Variants in TENM2 observed in about 807,000 individuals in gnomAD.
TENM2 encodes the protein teneurin-2.
In TENM2, 52 loss-of-function variants were observed where a neutral mutation model predicts 245.2. The ratio of observed to expected loss-of-function variants is 0.21; its 90% CI spans 0.17 to 0.27. The LOEUF (loss-of-function observed/expected upper bound fraction) is 0.27, where lower values mean the gene tolerates loss of function less well. TENM2 is among the 10% of genes least tolerant of loss of function. TENM2 has a pLI of 1.00. For synonymous variants in TENM2, 1,363 were observed against 1,438.9 expected (o/e 0.95, Z 1.19); for missense variants, 3,046 against 3,666.8 (o/e 0.83, Z 4.37).
At chr5:167,878,380 A>G (rs917034634) in intron 3 of TENM2, among the ~76,000 whole-genome samples, 20 of 152,300 alleles carry the variant, frequency 1.3e-4, no homozygotes, top group African/African-American at 4.6e-4. Context: ...TTCATCCCAA[A>G]CAGGAGCTGT....
rs138747988 is a variant in TENM2, at chr5:167,840,526, G to A, written c.503-35460G>A. 3.9e-5 allele frequency among the ~76,000 whole-genome samples: 6 copies of A among 151,988 alleles called. No individual in the cohort carries two copies. The South Asian group carries it at 6.2e-4, about 16-fold the overall frequency. ...TAAGTTCATCCTGGAGCACCTAACC[G>A]CGTCTCCCCTCCTTCCTCCCCCAGC... On this transcript the variant is annotated intron_variant, in intron 2 of 28. Transcript: ENST00000518659.
At chr5:167,020,866 G>A in the TENM2 span, among the ~76,000 whole-genome samples, 103 of 152,214 alleles carry the variant, frequency 6.8e-4, no homozygotes, top group Non-Finnish European at 1.3e-3. Flanking sequence ...GACCTAGGTC[G>A]GGCATGGCCG....
intron 1 of TENM2, among the ~76,000 whole-genome samples, chr5:167,307,659 T>G (rs1036061423): frequency 1.2e-4 from 18 of 152,214 alleles, no homozygotes; most frequent in African/African-American, 4.3e-4. Flanking sequence ...AGTTCAGTAT[T>G]CATTCAGCAA....
chr5:167,413,746 T>A (rs1276353098), intron 2 of TENM2, among the ~76,000 whole-genome samples: 2 of 152,148 alleles, frequency 1.3e-5, no homozygotes, highest in Admixed American at 1.3e-4. Flanking sequence ...TATATAACCA[T>A]CAAAATAACA....
At chr5:167,101,849 T>TATATATATATATATA in the TENM2 span, among the ~76,000 whole-genome samples, 124 of 69,426 alleles carry the variant, frequency 1.8e-3, 2 homozygotes, top group Non-Finnish European at 2.8e-3. Flanking sequence ...ATATATATAT[T>TATATATATATATATA]TATATATATA....
In TENM2 at chr5:167,879,127, G is replaced by A. The variant is rs543900982; in HGVS notation, c.712+2932G>A. On this transcript the variant is annotated intron_variant, in intron 3 of 28. Coordinates refer to ENST00000518659, the Ensembl canonical transcript of TENM2. ...CAAATGGGACATAAACTACAGGAAC[G>A]AAAATGTTTTTCCCCAACATGAAAA... 5.9e-5 allele frequency among the ~76,000 whole-genome samples: 9 copies of A among 152,266 alleles called. No homozygotes were observed. In the South Asian group the frequency reaches 6.2e-4, roughly 11 times the overall value.
chr5:167,513,904 T>C (rs1770139094), intron 2 of TENM2, among the ~76,000 whole-genome samples: 2 of 152,196 alleles, frequency 1.3e-5, no homozygotes, highest in South Asian at 4.1e-4. Flanking sequence ...CTCACCGTGG[T>C]CAGATCAATG....
chr5:167,772,557 T>G (rs893716965), intron 2 of TENM2, among the ~76,000 whole-genome samples: 1 of 152,162 alleles, frequency 6.6e-6, no homozygotes, highest in Non-Finnish European at 1.5e-5. Context: ...CTTTGAAGTC[T>G]GACGTTTTCA....
chr5:167,832,296 T>G (rs4869076), intron 2 of TENM2, among the ~76,000 whole-genome samples: 16,572 of 152,174 alleles, frequency 0.11, 994 homozygotes, highest in African/African-American at 0.15. Flanking sequence ...TGCTGCCCAA[T>G]GATGAATTAT....
At chr5:167,523,688 G>T (rs1328982031) in intron 2 of TENM2, among the ~76,000 whole-genome samples, 1 of 152,078 alleles carries the variant, frequency 6.6e-6, no homozygotes. Flanking sequence ...AGAGCACTTT[G>T]TAACCATATT....
chr5:167,762,444 C>T (rs1762743061), intron 2 of TENM2, among the ~76,000 whole-genome samples: 1 of 152,198 alleles, frequency 6.6e-6, no homozygotes, highest in Non-Finnish European at 1.5e-5. Context: ...TAGAGAGATG[C>T]TTCCCTCCCT....
the TENM2 span, among the ~76,000 whole-genome samples, chr5:167,227,465 C>A: frequency 5.9e-5 from 9 of 152,108 alleles, no homozygotes; most frequent in Non-Finnish European, 1.2e-4. Flanking sequence ...AATGAATTCC[C>A]TCGGTCTTTA....
At chr5:168,095,581 TG>T (rs1479338939) in intron 8 of TENM2, among the ~76,000 whole-genome samples, 2 of 152,226 alleles carry the variant, frequency 1.3e-5, no homozygotes, top group East Asian at 1.9e-4. Flanking sequence ...TTAATTTGTT[TG>T]TTTTTTTAGC....
At chr5:167,159,117 A>G in the TENM2 span, among the ~76,000 whole-genome samples, 65 of 151,260 alleles carry the variant, frequency 4.3e-4, no homozygotes, top group Admixed American at 1.2e-3. Context: ...TAATTTTTGT[A>G]TTTTCAGTAG....
chr5:167,141,094 C>T, the TENM2 span, among the ~76,000 whole-genome samples: 1 of 152,154 alleles, frequency 6.6e-6, no homozygotes, highest in African/African-American at 2.4e-5. Context: ...TTCAGACTGT[C>T]TTTGGAACTT....
At chr5:167,508,089 T>C (rs1769676033) in intron 2 of TENM2, among the ~76,000 whole-genome samples, 4 of 152,178 alleles carry the variant, frequency 2.6e-5, no homozygotes, top group Admixed American at 2.6e-4. Context: ...GATGTAATGC[T>C]ATCTATTGAA....
chr5:167,643,144 ATCT>A (rs1779719612), intron 2 of TENM2, among the ~76,000 whole-genome samples: 1 of 152,240 alleles, frequency 6.6e-6, no homozygotes, highest in Admixed American at 6.5e-5. Flanking sequence ...AAAATTGTCC[ATCT>A]GAGGGTAGAA....
chr5:167,850,672 C>T (rs375572180), intron 2 of TENM2, among the ~76,000 whole-genome samples: 1 of 152,108 alleles, frequency 6.6e-6, no homozygotes, highest in African/African-American at 2.4e-5. Flanking sequence ...TAAATAACTT[C>T]CTGGGGACTA....
intron 2 of TENM2, among the ~76,000 whole-genome samples, chr5:167,564,540 A>G (rs1773782312): frequency 6.6e-6 from 1 of 152,206 alleles, no homozygotes; most frequent in South Asian, 2.1e-4. Context: ...AATAATCAGC[A>G]GGGGATGTAT....
Sources: gnomAD v4.1 joint callset for allele counts (sites outside exome capture counted in the v4.1 genomes callset) on GRCh38, gnomAD v4.1.1 for gene constraint, MANE v1.5 for transcripts, NCBI Gene and HGNC (gene_info 2026-07-23, HGNC 2026-07-21) for gene names.